Variants in AOPEP observed in about 807,000 individuals in gnomAD.
The protein encoded by AOPEP is aminopeptidase O (putative).
Under a neutral mutation model 98.1 loss-of-function variants are expected in AOPEP, and 77 were observed. The ratio of observed to expected loss-of-function variants is 0.78; its 90% CI spans 0.65 to 0.95. The LOEUF (loss-of-function observed/expected upper bound fraction) is 0.95, where lower values mean the gene tolerates loss of function less well. AOPEP is among the 40% of genes least tolerant of loss of function. The pLI, the probability that AOPEP is intolerant of heterozygous loss-of-function variation, is 0.00. For missense variants in AOPEP, 1,024 were observed against 1,024.7 expected (o/e 1.00, Z 0.01); for synonymous variants, 346 against 365.3 (o/e 0.95, Z 0.60).
chr9:95,119,700 T>C, the AOPEP span, among the ~76,000 whole-genome samples: 2 of 152,124 alleles, frequency 1.3e-5, no homozygotes, highest in East Asian at 3.9e-4. Context: ...TATCAAAGAA[T>C]AGAAATTTTA....
At chr9:94,852,761 T>C (rs2043712173) in intron 5 of AOPEP, among the ~76,000 whole-genome samples, 1 of 152,262 alleles carries the variant, frequency 6.6e-6, no homozygotes, top group Non-Finnish European at 1.5e-5. Flanking sequence ...TCATTATTGT[T>C]GTAGGAATCC....
At chr9:95,050,575 A>G (rs1362941883) in intron 13 of AOPEP, among the ~76,000 whole-genome samples, 3 of 152,262 alleles carry the variant, frequency 2.0e-5, no homozygotes, top group Middle Eastern at 3.4e-3. Flanking sequence ...AATGAAAACA[A>G]CTTCCATTAT....
chr9:94,894,171 CAAT>C (rs199668801), intron 5 of AOPEP, among the ~76,000 whole-genome samples: 1,634 of 151,974 alleles, frequency 0.011, 32 homozygotes, highest in African/African-American at 0.038. Context: ...TAGAAAACAA[CAAT>C]AAAATCAACC....
At chr9:94,984,199 A>AT (rs1190215953) in intron 11 of AOPEP, among the ~76,000 whole-genome samples, 3 of 151,806 alleles carry the variant, frequency 2.0e-5, no homozygotes, top group South Asian at 4.2e-4. Flanking sequence ...CGCCTGGCTA[A>AT]TTTTTTGTAT....
At chr9:94,907,070 G>A (rs897505155) in intron 5 of AOPEP, among the ~76,000 whole-genome samples, 5 of 152,092 alleles carry the variant, frequency 3.3e-5, no homozygotes, top group Admixed American at 6.6e-5. Flanking sequence ...TTTCTCACCC[G>A]AAGGGAACAA....
Position 94,923,987 on chromosome 9 carries a change from C to G in AOPEP, c.1366C>G (p.Pro456Ala). 1 of 1,436,314 alleles carries G rather than the reference C, an allele frequency of 7.0e-7. No individual in the cohort carries two copies. 89.0% of individuals were successfully genotyped at this position (1,436,314 alleles called of 1,614,324 possible). Residue 456 changes from proline (P) to alanine (A), a missense_variant and splice_region_variant, in exon 6 of 17, where the codon CCA (proline) becomes GCA (alanine). Pro to Ala is a conservative substitution (Grantham distance 27). Transcript: ENST00000375315. Reference sequence around the variant, plus strand: ...CATTTTCTCCCCCATTATCCACAGCCCACACATCATGTTCCTCTCTCAGAG... The same window carrying G: ...CATTTTCTCCCCCATTATCCACAGCGCACACATCATGTTCCTCTCTCAGAG... ...ANFPSLGMAS[P>A]HIMFLSQSIL...
Position 94,757,078 on chromosome 9 carries a change from AAAAC to A in AOPEP, c.-135-2570_-135-2567del, listed in dbSNP as rs1289329290. ...AATGTGCTGTTTACTTGGCTCTCTCAAAACCCCAGAAGTTGGGATTCAGTGGGGC... is the reference window on the plus strand; with the variant it reads ...AATGTGCTGTTTACTTGGCTCTCTCACCCAGAAGTTGGGATTCAGTGGGGC... On this transcript the variant is annotated intron_variant, in intron 1 of 16. Coordinates refer to ENST00000375315, the MANE Select transcript of AOPEP (RefSeq NM_001193329.3). 3.3e-5 allele frequency among the ~76,000 whole-genome samples: 5 copies of A among 152,210 alleles called. No individual in the cohort carries two copies. The East Asian group carries it at 9.6e-4, about 29-fold the overall frequency.
At chr9:94,947,205 T>A (rs2057731765) in intron 7 of AOPEP, among the ~76,000 whole-genome samples, 1 of 151,868 alleles carries the variant, frequency 6.6e-6, no homozygotes, top group Admixed American at 6.6e-5. Context: ...ATGGTCTCAA[T>A]CACCTGACCT....
At chr9:94,909,326 A>G (rs2051645012) in intron 5 of AOPEP, among the ~76,000 whole-genome samples, 1 of 142,372 alleles carries the variant, frequency 7.0e-6, no homozygotes, top group Admixed American at 7.6e-5. Context: ...GTTCAACCCA[A>G]AGGTGAATTT....
chr9:94,844,470 T>C (rs1364709938), intron 5 of AOPEP, among the ~76,000 whole-genome samples: 1 of 152,232 alleles, frequency 6.6e-6, no homozygotes, highest in Non-Finnish European at 1.5e-5. Context: ...TCCATCACTT[T>C]AAGCATTTGT....
chr9:94,906,369 C>T (rs1050624406), intron 5 of AOPEP, among the ~76,000 whole-genome samples: 2 of 150,740 alleles, frequency 1.3e-5, no homozygotes, highest in Non-Finnish European at 3.0e-5. Flanking sequence ...AGGAGGCTGA[C>T]GCGGGAAGAT....
At chr9:94,826,605 A>G (rs534076859) in intron 5 of AOPEP, among the ~76,000 whole-genome samples, 5 of 152,210 alleles carry the variant, frequency 3.3e-5, no homozygotes, top group Non-Finnish European at 5.9e-5. Context: ...AAAGTTCTCC[A>G]ATAAAACTTT....
chr9:95,041,479 G>GTGTGTGTGTGTGTGTGTC (rs769423297), intron 13 of AOPEP, among the ~76,000 whole-genome samples: 6 of 151,652 alleles, frequency 4.0e-5, no homozygotes, highest in Non-Finnish European at 7.4e-5. Flanking sequence ...GTGTGTGTGT[G>GTGTGTGTGTGTGTGTGTC]TGGAGAGGGA....
intron 11 of AOPEP, among the ~76,000 whole-genome samples, chr9:95,003,332 T>C (rs2061691073): frequency 6.6e-6 from 1 of 152,250 alleles, no homozygotes; most frequent in Admixed American, 6.5e-5. Flanking sequence ...GAATTTATTT[T>C]GGATTTTGTT....
chr9:94,877,176 A>C (rs189446926), intron 5 of AOPEP, among the ~76,000 whole-genome samples: 4 of 152,200 alleles, frequency 2.6e-5, no homozygotes, highest in African/African-American at 9.6e-5. Context: ...AGCCAGGCTA[A>C]ATAGCAACAT....
At chr9:95,017,175 T>G (rs1233322765) in intron 13 of AOPEP, among the ~76,000 whole-genome samples, 3 of 150,498 alleles carry the variant, frequency 2.0e-5, no homozygotes, top group Admixed American at 6.6e-5. Context: ...TGGGTTTCTG[T>G]TTTTTTTTCT....
downstream of AOPEP, among the ~76,000 whole-genome samples, chr9:95,090,711 T>A (rs1168407390): frequency 6.6e-6 from 1 of 151,794 alleles, no homozygotes; most frequent in Non-Finnish European, 1.5e-5. Flanking sequence ...CAGCCAGGGG[T>A]ATAAGGGCAG....
intron 5 of AOPEP, among the ~76,000 whole-genome samples, chr9:94,846,671 C>G (rs773299161): frequency 6.6e-6 from 1 of 152,110 alleles, no homozygotes; most frequent in Non-Finnish European, 1.5e-5. Flanking sequence ...TTTCCAAGGC[C>G]GAGGTGGTGG....
chr9:95,019,202 CT>C (rs1443073088), intron 13 of AOPEP: 2 of 152,148 alleles, frequency 1.3e-5, no homozygotes, highest in Non-Finnish European at 2.9e-5. Context: ...TATTCCCTGC[CT>C]TTTGGCTTTA....
Sources: gnomAD v4.1 joint callset for allele counts (sites outside exome capture counted in the v4.1 genomes callset) on GRCh38, gnomAD v4.1.1 for gene constraint, MANE v1.5 for transcripts, NCBI Gene and HGNC (gene_info 2026-07-23, HGNC 2026-07-21) for gene names.